Variants in ABCC9 observed in about 807,000 individuals in gnomAD.
ABCC9 encodes the protein ATP binding cassette subfamily C member 9.
A neutral mutation model predicts 188.3 loss-of-function variants in ABCC9; 95 were observed. The ratio of observed to expected loss-of-function variants is 0.50; its 90% CI spans 0.43 to 0.60. The LOEUF (loss-of-function observed/expected upper bound fraction) is 0.60. Among genes scored for constraint, ABCC9 ranks in the 20% least tolerant of loss-of-function variants. The probability of loss-of-function intolerance (pLI) is 0.00; values close to 1 mark genes in which losing one functional copy is unlikely to be tolerated. For synonymous variants in ABCC9, 659 were observed against 652.7 expected (o/e 1.01, Z -0.15); for missense variants, 1,102 against 1,876.3 (o/e 0.59, Z 7.62).
At chr12:21,915,979 T>G in intron 6 of ABCC9, 69 bp from the exon 7 acceptor site, 1 of 1,495,592 alleles carries the variant, frequency 6.7e-7, no homozygotes, top group Admixed American at 2.0e-5. Flanking sequence ...AAATAAAATT[T>G]CAACCTTTTC....
Position 21,907,986 on chromosome 12 carries a change from A to G in ABCC9, c.1455+91T>C, listed in dbSNP as rs1948122689. ...AGTGAAATAGAATTGTTTCCAAATT[A>G]TCTTTAGTGGTATGTATTAATTTCC... is the stretch of plus-strand genomic sequence containing the variant. On this transcript the variant is annotated intron_variant, in intron 11 of 39. Transcript: ENST00000261200. 6 of 1,360,916 alleles carry G rather than the reference A, an allele frequency of 4.4e-6. No individual in the cohort carries two copies. The Admixed American group carries it at 6.0e-5, about 14-fold the overall frequency. 84.3% of individuals were successfully genotyped at this position (1,360,916 alleles called of 1,614,324 possible).
Position 21,922,686 on chromosome 12 carries a change from T to C in ABCC9, c.406+3256A>G, listed in dbSNP as rs913377968. Among the ~76,000 whole-genome samples, 6 of 150,818 alleles carry C rather than the reference T, an allele frequency of 4.0e-5. No homozygotes were observed. The Admixed American group carries it at 4.0e-4, about 10-fold the overall frequency. The stretch of plus-strand genomic sequence containing the variant: ...CCCAATAGTGTGAAGATGCCAATTA[T>C]CTCCTGAATTGTTTTATAAATTCAA... On this transcript the variant is annotated intron_variant, in intron 5 of 39. Coordinates refer to ENST00000261200, the MANE Select transcript of ABCC9 (RefSeq NM_020297.4).
chr12:21,807,185 A>T (rs1941915970), intron 38 of ABCC9, among the ~76,000 whole-genome samples, 161 bp downstream of exon 38: 1 of 152,184 alleles, frequency 6.6e-6, no homozygotes. Flanking sequence ...TATTTATTGT[A>T]ATTCTCAATG....
intron 11 of ABCC9, among the ~76,000 whole-genome samples, chr12:21,907,765 C>A (rs1032294253): frequency 1.2e-4 from 18 of 152,088 alleles, no homozygotes; most frequent in African/African-American, 4.1e-4. Flanking sequence ...GTTCACTAGC[C>A]TCAAAGTACG....
rs189565793 is a variant in ABCC9, at chr12:21,828,954, G to C, written c.3669+4C>G. 1.9e-5 allele frequency: 31 copies of C among 1,611,126 alleles called. No homozygotes were observed. The East Asian group carries it at 5.1e-4, about 27-fold the overall frequency. On this transcript the variant is annotated splice_donor_region_variant and intron_variant, in intron 31 of 39. Coordinates refer to ENST00000261200, the MANE Select transcript of ABCC9 (RefSeq NM_020297.4). The stretch of plus-strand genomic sequence containing the variant: ...TCCATTTCGAAATCATGAAATGAAC[G>C]TACCGTCCTGACCTCCAGCCATCTG...
chr12:21,926,814 T>C (rs1301630760), intron 4 of ABCC9, among the ~76,000 whole-genome samples: 1 of 152,174 alleles, frequency 6.6e-6, no homozygotes, highest in Non-Finnish European at 1.5e-5. Context: ...GAGAATAGAC[T>C]TCACTCTGAA....
chr12:21,909,179 C>A (rs889621164), intron 10 of ABCC9, among the ~76,000 whole-genome samples: 1 of 151,892 alleles, frequency 6.6e-6, no homozygotes, highest in Non-Finnish European at 1.5e-5. Context: ...TAGGCAGCTA[C>A]CTAATTCACC....
At chr12:21,916,016 T>C (rs1409099720) in intron 6 of ABCC9, 106 bp from the exon 7 acceptor site, 2 of 1,128,800 alleles carry the variant, frequency 1.8e-6, no homozygotes, top group East Asian at 2.6e-5. Flanking sequence ...GTGACCAAAA[T>C]TTATATTTTA....
intron 16 of ABCC9, among the ~76,000 whole-genome samples, chr12:21,879,524 A>G (rs1265012119): frequency 6.6e-6 from 1 of 152,174 alleles, no homozygotes; most frequent in East Asian, 1.9e-4. Context: ...GGAACTAGGT[A>G]AAGGTGGTGG....
chr12:21,849,616 C>CA lies in ABCC9; in HGVS notation c.2770-1371dup, dbSNP rs1944859832. Among the ~76,000 whole-genome samples, 4 of 151,930 alleles carry CA rather than the reference C, an allele frequency of 2.6e-5. No individual in the cohort carries two copies. The South Asian group carries it at 8.3e-4, about 32-fold the overall frequency. ...AGACTTAAAAAAACAAATAAACAAA[C>CA]AAAAAAACCCAAACAAACTTTAAAG... On this transcript the variant is annotated intron_variant, in intron 24 of 39. Transcript: ENST00000261200.
At chr12:21,874,296 C>T (rs974918884) in intron 17 of ABCC9, among the ~76,000 whole-genome samples, 7 of 151,968 alleles carry the variant, frequency 4.6e-5, no homozygotes, top group African/African-American at 1.7e-4. Flanking sequence ...CAAATCAAAA[C>T]CATAATGACT....
intron 20 of ABCC9, 144 bp from the exon 21 acceptor site, chr12:21,861,199 A>G: frequency 1.4e-6 from 1 of 715,930 alleles, no homozygotes; most frequent in African/African-American, 1.8e-5. Flanking sequence ...ACATTTCTGG[A>G]TACAAAGATA....
At chr12:21,806,967 G>A (rs568458172) in intron 38 of ABCC9, among the ~76,000 whole-genome samples, 14 of 152,170 alleles carry the variant, frequency 9.2e-5, no homozygotes, top group Non-Finnish European at 1.9e-4. Context: ...GAAATAATGA[G>A]TGGTGTTGGT....
chr12:21,914,275 G>A (rs935971483), intron 7 of ABCC9, among the ~76,000 whole-genome samples: 5 of 152,142 alleles, frequency 3.3e-5, no homozygotes, highest in African/African-American at 1.2e-4. Context: ...ATTTGTAGAT[G>A]ATGGCAATAG....
chr12:21,905,682 T>C (rs1948007378), intron 12 of ABCC9, among the ~76,000 whole-genome samples: 1 of 152,152 alleles, frequency 6.6e-6, no homozygotes, highest in South Asian at 2.1e-4. Flanking sequence ...TTAAAGGATC[T>C]TTGGGGATAA....
At position 21,845,852 on chromosome 12, in the gene ABCC9, G is replaced by A; in HGVS notation, c.2867-20C>T. The A allele has an allele frequency of 6.3e-7, 1 of 1,598,102 alleles. No homozygotes were observed. On this transcript the variant is annotated intron_variant, in intron 25 of 39. Coordinates refer to ENST00000261200, the MANE Select transcript of ABCC9 (RefSeq NM_020297.4). The stretch of plus-strand genomic sequence containing the variant: ...CTTCCTCTACATACAAAAAACTTTT[G>A]TTTAAGCTTCAGATGGGCACCGGCT...
chr12:21,838,211 A>C, intron 29 of ABCC9, 41 bp from the exon 30 acceptor site: 4 of 1,225,180 alleles, frequency 3.3e-6, no homozygotes, highest in Non-Finnish European at 4.8e-6. Flanking sequence ...ATGTGCATCC[A>C]GACTCAAAGA....
Position 21,818,238 on chromosome 12 carries a change from G to T in ABCC9, c.3683C>A (p.Ala1228Asp). 6.2e-7 allele frequency: 1 copy of T among 1,613,396 alleles called. No individual in the cohort carries two copies. The highest frequency in any genetic ancestry group is 2.2e-5 in the East Asian group (1 of 44,884). The change falls in exon 32 of 40, where the codon GCT becomes GAT. Residue 1228 changes from alanine (A) to aspartate (D), a missense_variant. Coordinates refer to ENST00000261200, the MANE Select transcript of ABCC9 (RefSeq NM_020297.4). ...TATAGATGCAGTGAGGACAATGCAA[G>T]CTCCCAGATAATCCTTTGAAAAAGC... ...WLEVRTDYLG[A>D]CIVLTASIAS...
At chr12:21,875,582 G>T in intron 17 of ABCC9, 72 bp downstream of exon 17, 1 of 1,116,460 alleles carries the variant, frequency 9.0e-7, no homozygotes, top group Admixed American at 1.8e-5. Context: ...CTTTTTGTTA[G>T]GCTCAATTAT....
Sources: allele counts gnomAD v4.1 joint callset (sites outside exome capture counted in the v4.1 genomes callset), GRCh38; gene constraint gnomAD v4.1.1; transcripts MANE v1.5; gene names NCBI Gene and HGNC (gene_info 2026-07-23, HGNC 2026-07-21).